Variants in PDE8B observed in about 807,000 individuals in gnomAD.
PDE8B encodes phosphodiesterase 8B.
In PDE8B, 26 loss-of-function variants were observed where a neutral mutation model predicts 101.3. The ratio of observed to expected loss-of-function variants is 0.26; its 90% CI spans 0.19 to 0.36. The LOEUF (loss-of-function observed/expected upper bound fraction) is 0.36, where lower values mean the gene tolerates loss of function less well. Ranked by LOEUF, PDE8B falls within the 10% of genes least tolerant of loss-of-function variation. The pLI, the probability that PDE8B is intolerant of heterozygous loss-of-function variation, is 1.00. For synonymous variants in PDE8B, 424 were observed against 429.3 expected (o/e 0.99, Z 0.15); for missense variants, 810 against 1,163.1 (o/e 0.70, Z 4.42).
chr5:77,205,083 T>C, the PDE8B span, among the ~76,000 whole-genome samples: 1 of 152,156 alleles, frequency 6.6e-6, no homozygotes, highest in Non-Finnish European at 1.5e-5. Context: ...CCCCTCCCTG[T>C]GGGGTGCTTG....
chr5:77,283,395 A>G (rs147192159), intron 1 of PDE8B, among the ~76,000 whole-genome samples: 1 of 152,276 alleles, frequency 6.6e-6, no homozygotes, highest in East Asian at 1.9e-4. Flanking sequence ...TTGATGTTGT[A>G]CCTTCTGGGG....
chr5:77,417,904 GC>G (rs1795890382), intron 17 of PDE8B, among the ~76,000 whole-genome samples: 2 of 152,136 alleles, frequency 1.3e-5, no homozygotes, highest in Non-Finnish European at 2.9e-5. Context: ...GTGATCACAG[GC>G]CACTTTCTGC....
chr5:77,216,749 C>G (rs1433348814), intron 1 of PDE8B, among the ~76,000 whole-genome samples: 1 of 152,192 alleles, frequency 6.6e-6, no homozygotes, highest in Non-Finnish European at 1.5e-5. Context: ...TAAGTCCCTT[C>G]ATGACATTGT....
At chr5:77,171,756 G>C in the PDE8B span, among the ~76,000 whole-genome samples, 2 of 152,186 alleles carry the variant, frequency 1.3e-5, no homozygotes, top group African/African-American at 4.8e-5. Context: ...TAATGGGGCA[G>C]GGGATGAAGC....
the PDE8B span, among the ~76,000 whole-genome samples, chr5:77,167,929 C>T: frequency 2.6e-5 from 4 of 152,068 alleles, no homozygotes; most frequent in East Asian, 5.8e-4. Context: ...GCTTTCACCA[C>T]ACAAGGGGGT....
At chr5:77,374,409 C>T (rs1030224615) in intron 10 of PDE8B, among the ~76,000 whole-genome samples, 1 of 151,876 alleles carries the variant, frequency 6.6e-6, no homozygotes, top group Admixed American at 6.6e-5. Context: ...ATTTTAACAT[C>T]TGTTTTTTTT....
At chr5:77,246,885 C>T (rs1757063190) in intron 1 of PDE8B, 1 of 152,212 alleles carries the variant, frequency 6.6e-6, no homozygotes, top group Non-Finnish European at 1.5e-5. Flanking sequence ...ATCTTGACTC[C>T]ACCTGTGTGA....
At chr5:77,221,367 A>G (rs1751065129) in intron 1 of PDE8B, among the ~76,000 whole-genome samples, 1 of 152,140 alleles carries the variant, frequency 6.6e-6, no homozygotes, top group East Asian at 1.9e-4. Flanking sequence ...TACTTATTGC[A>G]TTCCCATGAT....
chr5:77,252,247 G>A (rs929160432), intron 1 of PDE8B, among the ~76,000 whole-genome samples: 1 of 152,168 alleles, frequency 6.6e-6, no homozygotes, highest in African/African-American at 2.4e-5. Context: ...GATGAATCTG[G>A]GTGGTTCACT....
At chr5:77,181,358 C>T in the PDE8B span, among the ~76,000 whole-genome samples, 1 of 152,174 alleles carries the variant, frequency 6.6e-6, no homozygotes, top group African/African-American at 2.4e-5. Flanking sequence ...CGCTGCCACT[C>T]TGAACTTGGG....
intron 1 of PDE8B, among the ~76,000 whole-genome samples, chr5:77,243,245 C>G (rs1343893892): frequency 1.3e-5 from 2 of 151,974 alleles, no homozygotes; most frequent in Non-Finnish European, 2.9e-5. Context: ...AATGTAATAC[C>G]TTTAGACAGA....
the PDE8B span, chr5:77,140,948 A>G: frequency 6.6e-6 from 1 of 152,180 alleles, no homozygotes; most frequent in Non-Finnish European, 1.5e-5. Flanking sequence ...GTGTGTGTAC[A>G]TATTTGTACT....
the PDE8B span, among the ~76,000 whole-genome samples, chr5:77,134,887 G>T: frequency 1.7e-4 from 26 of 152,196 alleles, no homozygotes; most frequent in Non-Finnish European, 3.4e-4. Context: ...GGGCCCACAG[G>T]AGCCATGGGG....
intron 6 of PDE8B, among the ~76,000 whole-genome samples, chr5:77,341,701 G>C (rs1779231735): frequency 6.6e-6 from 1 of 152,206 alleles, no homozygotes; most frequent in African/African-American, 2.4e-5. Flanking sequence ...TCCAGTTTTG[G>C]ACCAGGTGCC....
rs72346580 is a variant in PDE8B, at chr5:77,233,654, CTGTGTGTGTGTGTG to C, written c.339+22423_339+22436del. Among the ~76,000 whole-genome samples, 453 of 138,334 alleles carry C rather than the reference CTGTGTGTGTGTGTG, an allele frequency of 3.3e-3. 4 individuals carry two copies. Among genetic ancestry groups the C allele is most frequent in the African/African-American group, 5.6e-3 (208 of 37,064 alleles). 90.8% of individuals were successfully genotyped at this position (138,334 alleles called of 152,430 possible). On this transcript the variant is annotated intron_variant, in intron 1 of 21. Coordinates refer to ENST00000264917, the MANE Select transcript of PDE8B (RefSeq NM_003719.5). ...TGACAGCCCCCAACCCCCTGAAGCT[CTGTGTGTGTGTGTG>C]TGTGTGTGTGTGTGTGTGTGTGTGT...
chr5:77,399,066 C>T (rs572934866), intron 10 of PDE8B, among the ~76,000 whole-genome samples: 113 of 152,368 alleles, frequency 7.4e-4, no homozygotes, highest in African/African-American at 2.6e-3. Flanking sequence ...TAACGGATCC[C>T]TGTTCCATTA....
At chr5:77,345,679 G>A (rs1267689156) in intron 7 of PDE8B, among the ~76,000 whole-genome samples, 3 of 152,162 alleles carry the variant, frequency 2.0e-5, no homozygotes, top group African/African-American at 7.2e-5. Context: ...CAAGAAATGA[G>A]GTGTTCTTAT....
At chr5:77,106,433 G>A in the PDE8B span, among the ~76,000 whole-genome samples, 2 of 152,254 alleles carry the variant, frequency 1.3e-5, no homozygotes, top group South Asian at 2.1e-4. Flanking sequence ...CATTGAAATG[G>A]CTTGGCACAA....
intron 10 of PDE8B, among the ~76,000 whole-genome samples, chr5:77,372,164 CA>C (rs1785175077): frequency 6.6e-6 from 1 of 152,166 alleles, no homozygotes; most frequent in South Asian, 2.1e-4. Flanking sequence ...TGTGCCACTG[CA>C]CTCCAGCCTG....
Sources: allele counts gnomAD v4.1 joint callset (sites outside exome capture counted in the v4.1 genomes callset), GRCh38; gene constraint gnomAD v4.1.1; transcripts MANE v1.5; gene names NCBI Gene and HGNC (gene_info 2026-07-23, HGNC 2026-07-21).